TET3: variants seen among roughly 807,000 people sequenced by gnomAD.
The protein encoded by TET3 is tet methylcytosine dioxygenase 3, also known as methylcytosine dioxygenase TET3.
TET3 carries 19 observed loss-of-function variants against 141.4 expected under a neutral mutation model. That is an observed-to-expected ratio of 0.13 (90% confidence interval 0.09 to 0.20). The LOEUF is 0.20. TET3 is among the 10% of genes least tolerant of loss of function. The probability of loss-of-function intolerance (pLI) is 1.00; values close to 1 mark genes in which losing one functional copy is unlikely to be tolerated. For missense variants in TET3, 1,874 were observed against 2,356.9 expected (o/e 0.80, Z 4.24); for synonymous variants, 1,043 against 980.9 (o/e 1.06, Z -1.18).
intron 4 of TET3, among the ~76,000 whole-genome samples, chr2:74,060,543 T>TA (rs1226681694): frequency 2.0e-5 from 3 of 152,156 alleles, no homozygotes; most frequent in African/African-American, 7.2e-5. Flanking sequence ...TATTTTTTTT[T>TA]ATTGATCATT....
chr2:74,098,595 TC>T (rs200314576), intron 10 of TET3, among the ~76,000 whole-genome samples: 4,513 of 132,250 alleles, frequency 0.034, 202 homozygotes, highest in African/African-American at 0.13. Context: ...AAAAGGAAAC[TC>T]TTTTTTTTTT....
At chr2:73,985,367 C>G (rs569826289) in intron 1 of TET3, among the ~76,000 whole-genome samples, 2,534 of 143,140 alleles carry the variant, frequency 0.018, 84 homozygotes, top group African/African-American at 0.06. Context: ...GCGAAGCCGC[C>G]GGAGCGGAGT....
chr2:74,030,938 C>T (rs1204509060), intron 3 of TET3, among the ~76,000 whole-genome samples: 1 of 152,024 alleles, frequency 6.6e-6, no homozygotes, highest in African/African-American at 2.4e-5. Flanking sequence ...CCAGGATGCC[C>T]AGGGGAATGG....
At chr2:74,122,537 A>G in the TET3 span, 3 of 65,782 alleles carry the variant, frequency 4.6e-5, no homozygotes, top group East Asian at 6.6e-4. Context: ...TTTTTTTGAG[A>G]TAGTCTTGCT....
intron 2 of TET3, chr2:73,993,313 C>T (rs1684426659): frequency 2.0e-5 from 3 of 152,252 alleles, no homozygotes. Flanking sequence ...TCACTTCCAC[C>T]TTGCTGCTCA....
chr2:73,988,427 C>T (rs1684153343), intron 2 of TET3, among the ~76,000 whole-genome samples: 1 of 152,092 alleles, frequency 6.6e-6, no homozygotes, highest in South Asian at 2.1e-4. Context: ...AAGCAGTGGC[C>T]CTTGTGAACT....
At chr2:74,075,150 G>A (rs1337902400) in intron 5 of TET3, among the ~76,000 whole-genome samples, 2 of 152,070 alleles carry the variant, frequency 1.3e-5, no homozygotes, top group African/African-American at 4.8e-5. Flanking sequence ...GATTACAGGC[G>A]TGAGCCACTG....
intron 2 of TET3, among the ~76,000 whole-genome samples, chr2:74,001,344 TAATC>T (rs1684840471): frequency 6.6e-6 from 1 of 152,170 alleles, no homozygotes; most frequent in Non-Finnish European, 1.5e-5. Flanking sequence ...ACATCCTAAT[TAATC>T]CTGTGAGTCA....
the TET3 span, among the ~76,000 whole-genome samples, chr2:74,120,475 G>C: frequency 6.6e-6 from 1 of 152,356 alleles, no homozygotes; most frequent in East Asian, 1.9e-4. Flanking sequence ...TGGGCCGCTG[G>C]AGTCGCGAAT....
intron 2 of TET3, among the ~76,000 whole-genome samples, chr2:73,997,223 A>G (rs1042258580): frequency 6.6e-6 from 1 of 152,246 alleles, no homozygotes; most frequent in African/African-American, 2.4e-5. Context: ...TCAGGAAATG[A>G]GTACGGAGAT....
At chr2:74,114,876 A>AAAAAAAAAAAAAAAGC in the TET3 span, among the ~76,000 whole-genome samples, 1 of 147,656 alleles carries the variant, frequency 6.8e-6, no homozygotes, top group African/African-American at 2.5e-5. Flanking sequence ...AAAAAAAAAG[A>AAAAAAAAAAAAAAAGC]TGCTGGGAAA....
chr2:74,045,554 G>C (rs1044904552), intron 3 of TET3, among the ~76,000 whole-genome samples: 4 of 152,182 alleles, frequency 2.6e-5, no homozygotes, highest in Admixed American at 2.6e-4. Flanking sequence ...TCGTGCTTGG[G>C]GAGAGGCCTG....
At chr2:74,083,572 T>C (rs542531340) in intron 6 of TET3, among the ~76,000 whole-genome samples, 1 of 152,330 alleles carries the variant, frequency 6.6e-6, no homozygotes, top group African/African-American at 2.4e-5. Context: ...CCATCTCTCT[T>C]GCTCTGCTCA....
At chr2:74,119,455 T>A in the TET3 span, among the ~76,000 whole-genome samples, 15 of 152,146 alleles carry the variant, frequency 9.9e-5, no homozygotes, top group African/African-American at 2.9e-4. Context: ...TCTTCATTAA[T>A]CAGGTTGAGC....
At chr2:74,011,348 A>G (rs183338621) in intron 3 of TET3, among the ~76,000 whole-genome samples, 1 of 152,268 alleles carries the variant, frequency 6.6e-6, no homozygotes. Flanking sequence ...CACCTGGATC[A>G]AGAAATAAGT....
At chr2:74,130,405 G>A in the TET3 span, among the ~76,000 whole-genome samples, 1 of 152,238 alleles carries the variant, frequency 6.6e-6, no homozygotes, top group Non-Finnish European at 1.5e-5. Context: ...ATTAGCGCCA[G>A]TGCAGGTACA....
chr2:74,006,322 A>G (rs1206913222), intron 3 of TET3, among the ~76,000 whole-genome samples: 1 of 152,244 alleles, frequency 6.6e-6, no homozygotes, highest in East Asian at 1.9e-4. Context: ...GGAGAGAAAG[A>G]GGGGGCTTTC....
chr2:74,011,959 GTTTGTTT>G lies in TET3; in HGVS notation c.360+8806_360+8812del, dbSNP rs937688606. ...AGTCCAGTTAGTCATTTTTTTGTTT[GTTTGTTT>G]TTTGTTTTTTGTGAGACAGGGTCTG... is the stretch of plus-strand genomic sequence containing the variant. On this transcript the variant is annotated intron_variant, in intron 3 of 11. Coordinates refer to ENST00000409262, the MANE Select transcript of TET3 (RefSeq NM_001287491.2). 3.9e-5 allele frequency among the ~76,000 whole-genome samples: 6 copies of G among 151,928 alleles called. No homozygotes were observed. The East Asian group carries it at 5.8e-4, about 15-fold the overall frequency.
chr2:74,075,091 C>T (rs1207758256), intron 5 of TET3, among the ~76,000 whole-genome samples: 2 of 152,004 alleles, frequency 1.3e-5, no homozygotes, highest in Admixed American at 6.5e-5. Context: ...AGGATGGTCT[C>T]GATCTCCTGA....
Sources: gnomAD v4.1 joint callset for allele counts (sites outside exome capture counted in the v4.1 genomes callset) on GRCh38, gnomAD v4.1.1 for gene constraint, MANE v1.5 for transcripts, NCBI Gene and HGNC (gene_info 2026-07-23, HGNC 2026-07-21) for gene names.